Variants in SAMSN1 observed in about 807,000 individuals in gnomAD.
SAMSN1 encodes SAM domain, SH3 domain and nuclear localization signals 1.
SAMSN1 carries 31 observed loss-of-function variants against 42.0 expected under a neutral mutation model. The observed-to-expected ratio is 0.74, with a 90% CI of 0.55 to 1.00. The LOEUF (loss-of-function observed/expected upper bound fraction) is 1.00, where lower values mean the gene tolerates loss of function less well. Among genes scored for constraint, SAMSN1 ranks in the 50% least tolerant of loss-of-function variants. The pLI is 0.00. For missense variants in SAMSN1, 464 were observed against 439.4 expected (o/e 1.06, Z -0.50); for synonymous variants, 178 against 151.9 (o/e 1.17, Z -1.26).
At chr21:14,545,533 A>C (rs1045372762) in intron 1 of SAMSN1, among the ~76,000 whole-genome samples, 2 of 111,244 alleles carry the variant, frequency 1.8e-5, no homozygotes, top group Admixed American at 1.1e-4. Flanking sequence ...ATCCCATGTT[A>C]TACTTTTTTT....
At chr21:14,514,227 C>A (rs553855014) in intron 3 of SAMSN1, among the ~76,000 whole-genome samples, 1 of 152,198 alleles carries the variant, frequency 6.6e-6, no homozygotes, top group East Asian at 1.9e-4. Flanking sequence ...TTTTCCTCAT[C>A]CTTTTACAGA....
chr21:14,650,775 A>G lies in SAMSN1; in HGVS notation c.25-7642T>C, dbSNP rs549039255. 3.1e-4 allele frequency among the ~76,000 whole-genome samples: 47 copies of G among 152,220 alleles called. 1 individual carries two copies. In the South Asian group the frequency reaches 9.7e-3, roughly 32 times the overall value. On this transcript the variant is annotated intron_variant, in intron 1 of 15. Coordinates refer to the SAMSN1 transcript ENST00000647101. Reference sequence around the variant, plus strand: ...TTTTGAAAAGTTAAACAAAGTTAACAAACTTTTAGACAGACTGAAAAAAAG... The same window carrying G: ...TTTTGAAAAGTTAAACAAAGTTAACGAACTTTTAGACAGACTGAAAAAAAG...
chr21:14,565,742 T>C (rs944153048), intron 2 of SAMSN1, among the ~76,000 whole-genome samples: 3 of 152,166 alleles, frequency 2.0e-5, no homozygotes, highest in Non-Finnish European at 4.4e-5. Flanking sequence ...ATTCCTTCCT[T>C]TAAAGTCTAG....
rs138878231 is a variant in SAMSN1 at position 14,640,746 on chromosome 21, T to A, written c.156+2256A>T. 1.9e-3 allele frequency among the ~76,000 whole-genome samples: 291 copies of A among 152,200 alleles called. 3 individuals carry two copies. The East Asian group carries it at 0.046, about 24-fold the overall frequency. On this transcript the variant is annotated intron_variant, in intron 2 of 15. Coordinates refer to the SAMSN1 transcript ENST00000647101. ...ATAATAAGTATTAATAATACTTTGATGGGAATGACATAATTCAACAACTAA... is the reference window on the plus strand; with the variant it reads ...ATAATAAGTATTAATAATACTTTGAAGGGAATGACATAATTCAACAACTAA...
At chr21:14,627,617 A>G (rs1462410913) in intron 2 of SAMSN1, among the ~76,000 whole-genome samples, 2 of 152,288 alleles carry the variant, frequency 1.3e-5, no homozygotes, top group African/African-American at 4.8e-5. Flanking sequence ...CTGGAGGCCC[A>G]TGGCCAATAT....
At chr21:14,645,430 G>C (rs184488142) in intron 1 of SAMSN1, among the ~76,000 whole-genome samples, 1 of 152,266 alleles carries the variant, frequency 6.6e-6, no homozygotes, top group Non-Finnish European at 1.5e-5. Flanking sequence ...GGTACTTTGA[G>C]TCTGCAAGAA....
chr21:14,579,665 G>T (rs3887416), intron 2 of SAMSN1, among the ~76,000 whole-genome samples: 75,735 of 92,062 alleles, frequency 0.82, 29,895 homozygotes, highest in Middle Eastern at 0.92. Flanking sequence ...TTTTTTTTTT[G>T]GAGGCAGGGT....
chr21:14,600,563 G>A (rs890901605), intron 6 of SAMSN1, among the ~76,000 whole-genome samples: 3 of 152,114 alleles, frequency 2.0e-5, no homozygotes, highest in African/African-American at 7.2e-5. Flanking sequence ...ACCTTCAGAA[G>A]CATTGTTGTT....
intron 1 of SAMSN1, among the ~76,000 whole-genome samples, chr21:14,532,380 A>G (rs553544349): frequency 3.9e-5 from 6 of 152,192 alleles, no homozygotes; most frequent in Non-Finnish European, 7.3e-5. Context: ...GGGGGCAAAT[A>G]TATGGTATGT....
intron 2 of SAMSN1, among the ~76,000 whole-genome samples, chr21:14,554,399 TA>T (rs371884158): frequency 2.6e-5 from 4 of 152,288 alleles, no homozygotes; most frequent in African/African-American, 7.2e-5. Context: ...TGGTACATAA[TA>T]AACACTAGAT....
intron 1 of SAMSN1, among the ~76,000 whole-genome samples, chr21:14,654,402 C>G (rs1381552322): frequency 1.3e-5 from 2 of 151,956 alleles, no homozygotes; most frequent in Non-Finnish European, 2.9e-5. Context: ...GGAAACCTAA[C>G]AGAAATACAA....
At chr21:14,607,315 G>A (rs924232644) in intron 5 of SAMSN1, among the ~76,000 whole-genome samples, 9 of 152,128 alleles carry the variant, frequency 5.9e-5, no homozygotes, top group African/African-American at 1.7e-4. Context: ...TTGATACATA[G>A]GTCACTAATT....
intron 2 of SAMSN1, among the ~76,000 whole-genome samples, chr21:14,622,470 C>G (rs151254258): frequency 0.011 from 1,635 of 152,268 alleles, 30 homozygotes; most frequent in African/African-American, 0.037. Context: ...AACTACGTGA[C>G]GAATCCACAA....
chr21:14,616,356 A>G (rs1027870979), intron 2 of SAMSN1, among the ~76,000 whole-genome samples: 1 of 151,928 alleles, frequency 6.6e-6, no homozygotes, highest in Non-Finnish European at 1.5e-5. Flanking sequence ...ATCCAATTAA[A>G]TCCTCATTAT....
intron 2 of SAMSN1, among the ~76,000 whole-genome samples, chr21:14,630,817 ATT>A (rs546635602): frequency 1.0e-3 from 152 of 152,228 alleles, no homozygotes; most frequent in African/African-American, 3.1e-3. Context: ...TGTTAATCTC[ATT>A]TTCTTCCTTT....
chr21:14,524,648 T>C (rs969327967), intron 1 of SAMSN1, among the ~76,000 whole-genome samples: 17 of 152,198 alleles, frequency 1.1e-4, no homozygotes, highest in African/African-American at 4.1e-4. Context: ...ATGAATTGTT[T>C]ACATTTCCAT....
intron 6 of SAMSN1, among the ~76,000 whole-genome samples, chr21:14,599,300 A>G (rs1175832071): frequency 6.6e-6 from 1 of 152,136 alleles, no homozygotes; most frequent in Non-Finnish European, 1.5e-5. Flanking sequence ...TGTCATAATA[A>G]TGAGTGACTC....
chr21:14,530,303 C>T (rs547570556), intron 1 of SAMSN1, among the ~76,000 whole-genome samples: 7 of 122,884 alleles, frequency 5.7e-5, no homozygotes, highest in South Asian at 2.5e-4. Context: ...GGCAACAGAG[C>T]GAGACTCCGT....
intron 2 of SAMSN1, among the ~76,000 whole-genome samples, chr21:14,641,376 TA>T (rs1203815359): frequency 6.6e-6 from 1 of 152,144 alleles, no homozygotes; most frequent in Non-Finnish European, 1.5e-5. Context: ...GCTATGATAA[TA>T]AGCCATTTTT....
Sources: allele counts gnomAD v4.1 joint callset (sites outside exome capture counted in the v4.1 genomes callset), GRCh38; gene constraint gnomAD v4.1.1; transcripts MANE v1.5; gene names NCBI Gene and HGNC (gene_info 2026-07-23, HGNC 2026-07-21).